GABRA3: variants seen among roughly 807,000 people sequenced by gnomAD.
The protein encoded by GABRA3 is gamma-aminobutyric acid receptor subunit alpha-3.
In GABRA3, 10 loss-of-function variants were observed where a neutral mutation model predicts 30.1. That is an observed-to-expected ratio of 0.33 (90% CI 0.20 to 0.56). The LOEUF is 0.56. Among genes scored for constraint, GABRA3 ranks in the 20% least tolerant of loss-of-function variants. GABRA3 has a pLI of 0.89. For missense variants in GABRA3, 233 were observed against 392.0 expected (o/e 0.59, Z 3.42); for synonymous variants, 151 against 146.8 (o/e 1.03, Z -0.21).
At chrX:152,170,165 T>C (rs1275031232) in intron 9 of GABRA3, among the ~76,000 whole-genome samples, 1 of 112,127 alleles carries the variant, frequency 8.9e-6, no homozygotes, top group Admixed American at 9.5e-5. Flanking sequence ...TTCTCAAAGA[T>C]CTGGGCCAAG....
chrX:152,245,183 T>C (rs1444190497), intron 5 of GABRA3, among the ~76,000 whole-genome samples: 1 of 110,504 alleles, frequency 9.0e-6, no homozygotes, highest in African/African-American at 3.3e-5. Context: ...ATCTGTCAAT[T>C]AGGCCTTCTC....
At chrX:152,291,110 T>C (rs745440277) in intron 3 of GABRA3, among the ~76,000 whole-genome samples, 2 of 111,793 alleles carry the variant, frequency 1.8e-5, no homozygotes, top group Non-Finnish European at 1.9e-5. Context: ...TTGGGCAGTA[T>C]GGCCATTTTC....
At chrX:152,275,214 TTA>T (rs756783169) in intron 4 of GABRA3, among the ~76,000 whole-genome samples, 3,114 of 54,380 alleles carry the variant, frequency 0.057, 237 homozygotes, top group African/African-American at 0.15. Context: ...ATATATAATA[TTA>T]TATATATATA....
At chrX:152,241,823 T>G (rs1158927591) in intron 5 of GABRA3, among the ~76,000 whole-genome samples, 2 of 111,629 alleles carry the variant, frequency 1.8e-5, no homozygotes, top group African/African-American at 6.5e-5. Flanking sequence ...CCTGACCCCT[T>G]GCTCTTCCCA....
intron 4 of GABRA3, among the ~76,000 whole-genome samples, chrX:152,281,584 G>A (rs1198771929): frequency 1.4e-4 from 16 of 111,418 alleles, no homozygotes; most frequent in African/African-American, 5.2e-4. Context: ...ATCTACCACT[G>A]TTTAGCTTTC....
intron 1 of GABRA3, among the ~76,000 whole-genome samples, chrX:152,444,330 T>C (rs922281672): frequency 1.8e-5 from 2 of 111,337 alleles, no homozygotes; most frequent in African/African-American, 6.5e-5. Context: ...TAGCAATATA[T>C]AGACTGAAGA....
At position 152,219,170 on chromosome X, in the gene GABRA3, C is replaced by A. The variant is rs1603213614; in HGVS notation, c.634+5593G>T. Among the ~76,000 whole-genome samples the A allele has an allele frequency of 5.4e-5, 6 of 111,397 alleles. 2 individuals carry two copies. In the Admixed American group the frequency reaches 5.7e-4, roughly 11 times the overall value. ...AAAAGTCCTTCCTTGATTCTCTTCTCTTCTCTGTATATAGTCATTTCCATA... is the reference window on the plus strand; with the variant it reads ...AAAAGTCCTTCCTTGATTCTCTTCTATTCTCTGTATATAGTCATTTCCATA... On this transcript the variant is annotated intron_variant, in intron 6 of 9. Transcript: ENST00000370314.
At chrX:152,244,482 T>C (rs773082421) in intron 5 of GABRA3, among the ~76,000 whole-genome samples, 1 of 111,775 alleles carries the variant, frequency 8.9e-6, no homozygotes, top group South Asian at 3.7e-4. Context: ...CAGCAAAAAG[T>C]TGCCATATTT....
At chrX:152,394,453 C>T (rs780919052) in intron 1 of GABRA3, 1 of 387,096 alleles carries the variant, frequency 2.6e-6, no homozygotes, top group Admixed American at 2.5e-5. Context: ...GGTGCATAAG[C>T]AGCCACCACA....
chrX:152,203,397 TAATACAA>T (rs1392100273), intron 7 of GABRA3, among the ~76,000 whole-genome samples: 1 of 112,362 alleles, frequency 8.9e-6, no homozygotes, highest in East Asian at 2.8e-4. Flanking sequence ...ACAGTCATAG[TAATACAA>T]ATGTCCCTTG....
chrX:152,441,674 G>A (rs1930935572), intron 1 of GABRA3, among the ~76,000 whole-genome samples: 1 of 111,687 alleles, frequency 9.0e-6, no homozygotes, highest in Non-Finnish European at 1.9e-5. Context: ...ACACAATAGA[G>A]AGCCTAGAAA....
intron 3 of GABRA3, among the ~76,000 whole-genome samples, chrX:152,334,767 ATT>A (rs1452634818): frequency 1.8e-5 from 2 of 111,602 alleles, no homozygotes; most frequent in Non-Finnish European, 3.8e-5. Flanking sequence ...TCAAAAAAAA[ATT>A]ATTCAAGAAA....
In GABRA3 at chrX:152,354,122, A is replaced by T. The variant is rs138566335; in HGVS notation, c.141-8420T>A. Among the ~76,000 whole-genome samples the T allele has an allele frequency of 3.0e-3, 335 of 111,683 alleles. 2 individuals carry two copies. The highest frequency in any genetic ancestry group is 0.01 in the African/African-American group (323 of 30,793). Reference sequence around the variant, plus strand: ...ATATTCAGGTATGTAAAAGAAATTGACATGTGCCTCATTCTTACTTAAAAG... The same window carrying T: ...ATATTCAGGTATGTAAAAGAAATTGTCATGTGCCTCATTCTTACTTAAAAG... On this transcript the variant is annotated intron_variant, in intron 2 of 9. Coordinates refer to ENST00000370314, the MANE Select transcript of GABRA3 (RefSeq NM_000808.4).
At chrX:152,389,976 A>G (rs960042293) in intron 1 of GABRA3, among the ~76,000 whole-genome samples, 1 of 111,854 alleles carries the variant, frequency 8.9e-6, no homozygotes, top group South Asian at 3.7e-4. Flanking sequence ...TCACATGGAT[A>G]AGATTTGAGA....
intron 4 of GABRA3, among the ~76,000 whole-genome samples, chrX:152,268,265 T>C (rs1231866686): frequency 5.4e-5 from 6 of 111,994 alleles, no homozygotes; most frequent in Non-Finnish European, 9.4e-5. Flanking sequence ...TCACCTTCAA[T>C]TGTAATAATT....
In GABRA3 at chrX:152,257,300, T is replaced by G. The variant is rs764837472; in HGVS notation, c.331-1302A>C. On this transcript the variant is annotated intron_variant, in intron 4 of 9. Transcript: ENST00000370314. Reference sequence around the variant, plus strand: ...GATGTCCTGGGAACAAGAGAACCACTGAGAGGGTGAGTCCCAAAATCTGAG... The same window carrying G: ...GATGTCCTGGGAACAAGAGAACCACGGAGAGGGTGAGTCCCAAAATCTGAG... 1.3e-4 allele frequency among the ~76,000 whole-genome samples: 15 copies of G among 112,047 alleles called. No individual in the cohort carries two copies. The East Asian group carries it at 3.9e-3, about 29-fold the overall frequency.
At chrX:152,218,703 A>G (rs1937773745) in intron 6 of GABRA3, among the ~76,000 whole-genome samples, 1 of 111,130 alleles carries the variant, frequency 9.0e-6, no homozygotes, top group Admixed American at 9.6e-5. Flanking sequence ...CCTTTTCATC[A>G]TGACAAAATC....
chrX:152,375,266 CCTCT>C (rs1928965813), intron 1 of GABRA3, among the ~76,000 whole-genome samples: 1 of 111,126 alleles, frequency 9.0e-6, no homozygotes, highest in Admixed American at 9.5e-5. Flanking sequence ...TTTTCATATC[CCTCT>C]ATCATTTTCA....
intron 3 of GABRA3, among the ~76,000 whole-genome samples, chrX:152,305,959 C>T (rs1454463988): frequency 1.8e-5 from 2 of 111,144 alleles, no homozygotes; most frequent in Non-Finnish European, 3.8e-5. Context: ...ACAGGTTATC[C>T]AGCTGTAAAA....
Sources: allele counts gnomAD v4.1 joint callset (sites outside exome capture counted in the v4.1 genomes callset), GRCh38; gene constraint gnomAD v4.1.1; transcripts MANE v1.5; gene names NCBI Gene and HGNC (gene_info 2026-07-23, HGNC 2026-07-21).